Variants in ERC2 observed in about 807,000 individuals in gnomAD.
ERC2 encodes the protein ELKS/RAB6-interacting/CAST family member 2.
Under a neutral mutation model 114.8 loss-of-function variants are expected in ERC2, and 42 were observed. The observed-to-expected ratio is 0.37, with a 90% CI of 0.29 to 0.47. The LOEUF (loss-of-function observed/expected upper bound fraction) is 0.47. ERC2 is among the 20% of genes least tolerant of loss of function. The pLI is 0.99. For synonymous variants in ERC2, 454 were observed against 425.5 expected (o/e 1.07, Z -0.82); for missense variants, 939 against 1,150.7 (o/e 0.82, Z 2.66).
chr3:56,167,242 T>C (rs954105890), intron 4 of ERC2, among the ~76,000 whole-genome samples: 3 of 152,190 alleles, frequency 2.0e-5, no homozygotes, highest in African/African-American at 7.2e-5. Flanking sequence ...CTTCATTCCA[T>C]TAGCTCCTTA....
chr3:55,682,958 A>G (rs1202324241), intron 17 of ERC2, among the ~76,000 whole-genome samples: 2 of 152,242 alleles, frequency 1.3e-5, no homozygotes, highest in African/African-American at 2.4e-5. Flanking sequence ...GCTAGACTTC[A>G]GTATTCCATT....
At chr3:56,148,461 C>CT (rs1310638528) in intron 5 of ERC2, among the ~76,000 whole-genome samples, 1 of 151,960 alleles carries the variant, frequency 6.6e-6, no homozygotes, top group East Asian at 1.9e-4. Context: ...AATTTTTGTG[C>CT]TTTTTTGTAG....
intron 1 of ERC2, among the ~76,000 whole-genome samples, chr3:56,459,902 C>T (rs2063234393): frequency 6.6e-6 from 1 of 152,186 alleles, no homozygotes; most frequent in African/African-American, 2.4e-5. Flanking sequence ...CTCTGCTTGG[C>T]AGAGTCAACA....
At position 55,942,266 on chromosome 3, in the gene ERC2, C is replaced by CTTTTTTTTTT. The variant is rs56851837; in HGVS notation, c.2403+8149_2403+8158dup. On this transcript the variant is annotated intron_variant, in intron 13 of 17. Coordinates refer to ENST00000288221, the MANE Select transcript of ERC2 (RefSeq NM_015576.3). ...TATTAAATGAAGTCTAAGGTCCTTT[C>CTTTTTTTTTT]TTTTTTTTTTTTTTTTTTTTTTTTT... 1.3e-3 allele frequency among the ~76,000 whole-genome samples: 56 copies of CTTTTTTTTTT among 42,112 alleles called. 12 individuals are homozygous for CTTTTTTTTTT. The highest frequency in any genetic ancestry group is 2.6e-3 in the African/African-American group (31 of 11,866). 27.6% of individuals were successfully genotyped at this position (42,112 alleles called of 152,430 possible). A position where few individuals can be genotyped will look rare whatever the true frequency, so the allele number is the denominator to read the frequency against.
chr3:55,746,461 C>T (rs1174877510), intron 14 of ERC2, among the ~76,000 whole-genome samples: 1 of 152,014 alleles, frequency 6.6e-6, no homozygotes, highest in Non-Finnish European at 1.5e-5. Flanking sequence ...CTCGAACTCC[C>T]GACCTCAGGT....
At chr3:55,572,982 G>T (rs2056799050) in intron 17 of ERC2, among the ~76,000 whole-genome samples, 1 of 152,182 alleles carries the variant, frequency 6.6e-6, no homozygotes, top group South Asian at 2.1e-4. Context: ...TTATATAGAG[G>T]CTGTGTGACC....
chr3:56,052,395 C>T (rs970654033), intron 7 of ERC2, among the ~76,000 whole-genome samples: 15 of 152,226 alleles, frequency 9.9e-5, no homozygotes, highest in Non-Finnish European at 1.6e-4. Flanking sequence ...AGCAAACTCC[C>T]GCCCACAGGC....
chr3:56,022,543 T>C (rs1349699018), intron 7 of ERC2, among the ~76,000 whole-genome samples: 1 of 152,120 alleles, frequency 6.6e-6, no homozygotes, highest in Non-Finnish European at 1.5e-5. Context: ...GAATATAAAA[T>C]TCTGTATCTT....
At chr3:56,416,389 A>G (rs1365614122) in intron 2 of ERC2, among the ~76,000 whole-genome samples, 2 of 152,142 alleles carry the variant, frequency 1.3e-5, no homozygotes, top group Non-Finnish European at 2.9e-5. Flanking sequence ...AGTTAAAAAT[A>G]TGGTCAACTA....
intron 13 of ERC2, among the ~76,000 whole-genome samples, chr3:55,894,381 A>G (rs976408615): frequency 1.3e-5 from 2 of 152,202 alleles, no homozygotes; most frequent in Non-Finnish European, 2.9e-5. Flanking sequence ...TACTCAAATT[A>G]TATTAAAATG....
intron 17 of ERC2, among the ~76,000 whole-genome samples, chr3:55,639,665 T>C (rs1000285160): frequency 1.3e-5 from 2 of 152,210 alleles, no homozygotes; most frequent in African/African-American, 4.8e-5. Flanking sequence ...ATACCTTGGC[T>C]GATTTCGATC....
intron 13 of ERC2, among the ~76,000 whole-genome samples, chr3:55,924,920 T>C (rs939016111): frequency 2.0e-5 from 3 of 152,172 alleles, no homozygotes; most frequent in Admixed American, 1.3e-4. Context: ...AGTTTGGTTA[T>C]AGTATGCACT....
intron 2 of ERC2, among the ~76,000 whole-genome samples, chr3:56,374,058 C>A (rs2059447530): frequency 1.3e-5 from 2 of 152,056 alleles, no homozygotes; most frequent in Admixed American, 1.3e-4. Context: ...ACCTTGCATG[C>A]CCACCCCTAT....
intron 17 of ERC2, among the ~76,000 whole-genome samples, chr3:55,535,323 T>TC (rs369485103): frequency 6.0e-4 from 92 of 152,316 alleles, no homozygotes; most frequent in African/African-American, 2.0e-3. Flanking sequence ...TTGCTGGAAT[T>TC]CCACTGCATG....
intron 14 of ERC2, among the ~76,000 whole-genome samples, chr3:55,884,528 C>T (rs116796491): frequency 0.011 from 1,671 of 152,084 alleles, 31 homozygotes; most frequent in African/African-American, 0.038. Flanking sequence ...GGATGGGGTT[C>T]AGGTAAATTC....
chr3:55,863,679 A>G (rs2062123756), intron 14 of ERC2, among the ~76,000 whole-genome samples: 1 of 152,180 alleles, frequency 6.6e-6, no homozygotes, highest in Non-Finnish European at 1.5e-5. Flanking sequence ...GAAATACAGC[A>G]CAAACCAGAT....
intron 3 of ERC2, among the ~76,000 whole-genome samples, chr3:56,235,653 G>T (rs1187683086): frequency 1.3e-5 from 2 of 152,058 alleles, no homozygotes; most frequent in Non-Finnish European, 2.9e-5. Flanking sequence ...TCCCATTTAT[G>T]CTGCTATTTT....
chr3:55,717,379 C>T (rs761303454), intron 15 of ERC2, among the ~76,000 whole-genome samples: 11 of 152,184 alleles, frequency 7.2e-5, no homozygotes, highest in South Asian at 4.1e-4. Flanking sequence ...AGGTCCAATG[C>T]TGTTCACTAT....
At chr3:55,919,670 G>C (rs1201611335) in intron 13 of ERC2, among the ~76,000 whole-genome samples, 1 of 152,174 alleles carries the variant, frequency 6.6e-6, no homozygotes, top group Non-Finnish European at 1.5e-5. Flanking sequence ...AACTGAGACA[G>C]TGAAGAGTGC....
Sources: allele counts gnomAD v4.1 joint callset (sites outside exome capture counted in the v4.1 genomes callset), GRCh38; gene constraint gnomAD v4.1.1; transcripts MANE v1.5; gene names NCBI Gene and HGNC (gene_info 2026-07-23, HGNC 2026-07-21).